The following PTPRR variants were observed in gnomAD, a reference collection of about 807,000 sequenced individuals.
The protein encoded by PTPRR is receptor-type tyrosine-protein phosphatase R.
In PTPRR, 38 loss-of-function variants were observed where a neutral mutation model predicts 77.2. The observed-to-expected ratio is 0.49, with a 90% CI of 0.38 to 0.65. PTPRR has a LOEUF of 0.65. PTPRR is among the 30% of genes least tolerant of loss of function. The pLI is 0.00. For synonymous variants in PTPRR, 299 were observed against 283.1 expected (o/e 1.06, Z -0.57); for missense variants, 744 against 799.2 (o/e 0.93, Z 0.83).
chr12:70,831,003 C>T (rs1406520464), intron 2 of PTPRR, among the ~76,000 whole-genome samples: 1 of 151,970 alleles, frequency 6.6e-6, no homozygotes, highest in African/African-American at 2.4e-5. Context: ...TCTTAAAAGA[C>T]TTTATTGTAT....
chr12:70,640,103 C>T (rs745735806), intron 13 of PTPRR, among the ~76,000 whole-genome samples: 4 of 152,160 alleles, frequency 2.6e-5, no homozygotes, highest in African/African-American at 7.2e-5. Flanking sequence ...TGAGAAATAA[C>T]GGTGCTTCTC....
chr12:70,775,714 C>T (rs150195959), intron 2 of PTPRR, among the ~76,000 whole-genome samples: 1,607 of 152,188 alleles, frequency 0.011, 28 homozygotes, highest in African/African-American at 0.036. Flanking sequence ...CACAAAAGGA[C>T]CAAAGCTTCC....
intron 1 of PTPRR, among the ~76,000 whole-genome samples, chr12:70,895,793 C>A (rs1893417565): frequency 6.6e-6 from 1 of 151,670 alleles, no homozygotes; most frequent in African/African-American, 2.4e-5. Context: ...TATTTTCTAT[C>A]CTCAAATGCT....
In PTPRR at chr12:70,881,080, C is replaced by T. The variant is rs189575110; in HGVS notation, c.357+11599G>A. ...GCCCATTCAAGTAGATTTTGCTATA[C>T]GCTGCCTAAAATTTCCTATTTAAAA... On this transcript the variant is annotated intron_variant, in intron 2 of 13. Coordinates refer to ENST00000283228, the MANE Select transcript of PTPRR (RefSeq NM_002849.4). Among the ~76,000 whole-genome samples the T allele has an allele frequency of 7.9e-5, 12 of 152,154 alleles. No individual in the cohort carries two copies. The East Asian group carries it at 1.4e-3, about 17-fold the overall frequency.
chr12:70,823,644 G>A (rs1892060927), intron 2 of PTPRR, among the ~76,000 whole-genome samples: 2 of 152,144 alleles, frequency 1.3e-5, no homozygotes, highest in African/African-American at 4.8e-5. Flanking sequence ...TGCAGTGTGG[G>A]GCAGCAAGAA....
At chr12:70,788,320 T>C (rs1891363306) in intron 2 of PTPRR, among the ~76,000 whole-genome samples, 1 of 152,202 alleles carries the variant, frequency 6.6e-6, no homozygotes, top group African/African-American at 2.4e-5. Flanking sequence ...TAGTGAAGTC[T>C]GCACACAAAC....
intron 2 of PTPRR, among the ~76,000 whole-genome samples, chr12:70,872,273 C>G (rs747972280): frequency 1.3e-5 from 2 of 152,040 alleles, no homozygotes; most frequent in Admixed American, 6.6e-5. Flanking sequence ...CTTTAGGAAC[C>G]AGGGTTATTG....
intron 2 of PTPRR, among the ~76,000 whole-genome samples, chr12:70,818,137 A>G (rs796817513): frequency 4.0e-5 from 6 of 151,342 alleles, no homozygotes; most frequent in Non-Finnish European, 7.4e-5. Context: ...TCCTGAACCC[A>G]GGATTGAGGC....
intron 2 of PTPRR, among the ~76,000 whole-genome samples, chr12:70,771,165 TA>T (rs111294240): frequency 1.0e-3 from 156 of 148,702 alleles, no homozygotes; most frequent in South Asian, 2.8e-3. Context: ...AATAATAAAT[TA>T]AAAAAAAATA....
At chr12:70,751,489 C>T (rs1197066440) in intron 5 of PTPRR, among the ~76,000 whole-genome samples, 2 of 152,136 alleles carry the variant, frequency 1.3e-5, no homozygotes, top group African/African-American at 4.8e-5. Flanking sequence ...CATATCAAGG[C>T]TCTGCCTAAA....
chr12:70,866,562 T>C (rs1407768542), intron 2 of PTPRR, among the ~76,000 whole-genome samples: 3 of 152,038 alleles, frequency 2.0e-5, no homozygotes, highest in Non-Finnish European at 2.9e-5. Flanking sequence ...CCAAAAAAAG[T>C]CCAGGACCAG....
rs887101776 is a variant in PTPRR, at chr12:70,857,114, G to A, written c.357+35565C>T. On this transcript the variant is annotated intron_variant, in intron 2 of 13. Transcript: ENST00000283228. ...GAGAGGAGTCTATTTGGAGATATAG[G>A]TTTTGGGAATCATCAGTAAATACAT... Among the ~76,000 whole-genome samples, 5 of 152,224 alleles carry A rather than the reference G, an allele frequency of 3.3e-5. 1 individual carries two copies. The South Asian group carries it at 1.0e-3, about 32-fold the overall frequency.
chr12:70,808,723 T>C (rs760436104), intron 2 of PTPRR, among the ~76,000 whole-genome samples: 4 of 152,178 alleles, frequency 2.6e-5, no homozygotes, highest in African/African-American at 4.8e-5. Context: ...ATAAGCACAC[T>C]TGTACATTCT....
chr12:70,677,716 T>G (rs778546324), intron 10 of PTPRR, among the ~76,000 whole-genome samples: 5 of 152,252 alleles, frequency 3.3e-5, no homozygotes, highest in Non-Finnish European at 7.3e-5. Flanking sequence ...ATTTATTAGT[T>G]TGTGTAAACT....
intron 10 of PTPRR, among the ~76,000 whole-genome samples, chr12:70,668,281 G>GAGGAGGAA: frequency 7.1e-6 from 1 of 140,610 alleles, no homozygotes; most frequent in South Asian, 2.4e-4. Context: ...AGGAGGAAGA[G>GAGGAGGAA]GAGGAGGAGG....
chr12:70,868,070 A>C (rs1410396478), intron 2 of PTPRR, among the ~76,000 whole-genome samples: 2 of 152,174 alleles, frequency 1.3e-5, no homozygotes, highest in African/African-American at 2.4e-5. Flanking sequence ...GTTAGACCTA[A>C]AACCATAAAA....
chr12:70,669,451 TTA>T (rs34906995), intron 10 of PTPRR, among the ~76,000 whole-genome samples: 57,411 of 146,568 alleles, frequency 0.39, 13,715 homozygotes, highest in African/African-American at 0.66. Flanking sequence ...TATATGCTAT[TTA>T]TATATATATA....
At chr12:70,677,201 T>C (rs1206092375) in intron 10 of PTPRR, among the ~76,000 whole-genome samples, 1 of 152,166 alleles carries the variant, frequency 6.6e-6, no homozygotes, top group African/African-American at 2.4e-5. Context: ...ATTGTTTTCT[T>C]GATTTTGTTT....
At chr12:70,879,451 A>G (rs914377350) in intron 2 of PTPRR, among the ~76,000 whole-genome samples, 4 of 151,848 alleles carry the variant, frequency 2.6e-5, no homozygotes, top group African/African-American at 9.7e-5. Context: ...TTTTCCCACG[A>G]TCTCAAAGGC....
Sources: gnomAD v4.1 joint callset for allele counts (sites outside exome capture counted in the v4.1 genomes callset) on GRCh38, gnomAD v4.1.1 for gene constraint, MANE v1.5 for transcripts, NCBI Gene and HGNC (gene_info 2026-07-23, HGNC 2026-07-21) for gene names.